The following HPSE2 variants were observed in gnomAD, a reference collection of about 807,000 sequenced individuals.
HPSE2 encodes heparanase 2 (inactive), also known as inactive heparanase-2.
A neutral mutation model predicts 60.5 loss-of-function variants in HPSE2; 38 were observed. The observed-to-expected ratio is 0.63, with a 90% CI of 0.48 to 0.82. The LOEUF is 0.82. Ranked by LOEUF, HPSE2 falls within the 40% of genes least tolerant of loss-of-function variation. The probability of loss-of-function intolerance (pLI) is 0.00; values close to 1 mark genes in which losing one functional copy is unlikely to be tolerated. For missense variants in HPSE2, 713 were observed against 740.4 expected, an observed-to-expected ratio of 0.96 and a Z score of 0.43; for synonymous variants, 295 against 293.2, an observed-to-expected ratio of 1.01 and a Z score of -0.06.
rs187339167 is a variant in HPSE2, at chr10:98,874,613, G to T, written c.611-130557C>A. ...TGAATACTCTTTATTTCTTTCTTTT[G>T]CCTGATTGCCCTGGCCAGAACTTCC... On this transcript the variant is annotated intron_variant, in intron 3 of 11. Transcript: ENST00000370552. 1.2e-3 allele frequency among the ~76,000 whole-genome samples: 183 copies of T among 151,972 alleles called. 1 individual carries two copies. The highest frequency in any genetic ancestry group is 2.3e-3 in the Non-Finnish European group (153 of 67,960).
chr10:99,290,587 T>C, the HPSE2 span, among the ~76,000 whole-genome samples: 1 of 133,608 alleles, frequency 7.5e-6, no homozygotes, highest in Non-Finnish European at 1.6e-5. Context: ...TCAGACCAGG[T>C]GGTTCTTATG....
intron 3 of HPSE2, among the ~76,000 whole-genome samples, chr10:99,032,658 T>A (rs1957523726): frequency 6.6e-6 from 1 of 152,216 alleles, no homozygotes; most frequent in South Asian, 2.1e-4. Context: ...ACTGGTCTTA[T>A]ATAAATGGAA....
intron 2 of HPSE2, among the ~76,000 whole-genome samples, chr10:99,189,504 T>C (rs931739114): frequency 1.3e-5 from 2 of 152,166 alleles, no homozygotes; most frequent in Admixed American, 6.5e-5. Context: ...GGTTCTGTCA[T>C]TGTGTTGAAA....
At chr10:99,163,219 A>G (rs1438334619) in intron 2 of HPSE2, among the ~76,000 whole-genome samples, 1 of 152,180 alleles carries the variant, frequency 6.6e-6, no homozygotes, top group Non-Finnish European at 1.5e-5. Flanking sequence ...TCAAAAAAAA[A>G]AAAAATAGCC....
the HPSE2 span, among the ~76,000 whole-genome samples, chr10:99,245,633 G>A: frequency 1.8e-4 from 27 of 152,280 alleles, no homozygotes; most frequent in Middle Eastern, 6.8e-3. Context: ...ACTGAATAAC[G>A]CTAATTGTGA....
chr10:98,906,619 G>C (rs552384092), intron 3 of HPSE2, among the ~76,000 whole-genome samples: 52 of 152,318 alleles, frequency 3.4e-4, no homozygotes, highest in African/African-American at 1.2e-3. Flanking sequence ...AAAAATGCTA[G>C]AATAGGCTGG....
chr10:98,662,288 C>G (rs920677073), intron 6 of HPSE2, among the ~76,000 whole-genome samples: 7 of 152,120 alleles, frequency 4.6e-5, no homozygotes, highest in Non-Finnish European at 8.8e-5. Flanking sequence ...CGGAAACTGA[C>G]AGTACACATT....
intron 3 of HPSE2, chr10:99,013,911 GT>G: frequency 2.4e-6 from 1 of 425,290 alleles, no homozygotes; most frequent in Non-Finnish European, 4.8e-6. Context: ...TGTGCTCCTG[GT>G]GATTGAACAG....
intron 9 of HPSE2, among the ~76,000 whole-genome samples, chr10:98,578,948 TGA>T (rs1287920563): frequency 1.3e-5 from 2 of 152,206 alleles, no homozygotes; most frequent in African/African-American, 4.8e-5. Context: ...CAATCTGAGC[TGA>T]GAGCCATTGA....
intron 4 of HPSE2, among the ~76,000 whole-genome samples, chr10:98,722,311 C>T (rs752696280): frequency 7.3e-5 from 11 of 150,848 alleles, no homozygotes; most frequent in Non-Finnish European, 1.2e-4. Context: ...AAGAATGCCA[C>T]GTGACAACAA....
At chr10:98,648,393 G>A (rs1164514014) in intron 6 of HPSE2, among the ~76,000 whole-genome samples, 1 of 152,190 alleles carries the variant, frequency 6.6e-6, no homozygotes, top group Non-Finnish European at 1.5e-5. Flanking sequence ...AGCAGGTGAT[G>A]GCACCAGAAT....
chr10:98,968,895 C>T (rs1399777595), intron 3 of HPSE2, among the ~76,000 whole-genome samples: 3 of 152,048 alleles, frequency 2.0e-5, no homozygotes, highest in Non-Finnish European at 4.4e-5. Context: ...GTACAGTGTA[C>T]ACTGCTCAGG....
At chr10:98,561,194 T>C (rs1179589221) in intron 9 of HPSE2, among the ~76,000 whole-genome samples, 1 of 143,672 alleles carries the variant, frequency 7.0e-6, no homozygotes, top group Non-Finnish European at 1.5e-5. Context: ...TGACACAGAG[T>C]CTTGCTCTGT....
chr10:99,132,016 G>GC (rs1845404299), intron 3 of HPSE2, among the ~76,000 whole-genome samples: 1 of 151,694 alleles, frequency 6.6e-6, no homozygotes, highest in Non-Finnish European at 1.5e-5. Flanking sequence ...GGAGGCTGAA[G>GC]CAAGAGAATC....
At chr10:99,038,445 T>C (rs1484605417) in intron 3 of HPSE2, among the ~76,000 whole-genome samples, 1 of 152,162 alleles carries the variant, frequency 6.6e-6, no homozygotes, top group Admixed American at 6.5e-5. Context: ...ATTTCAATTA[T>C]ATAACATTCT....
chr10:99,027,955 C>A (rs1957415642), intron 3 of HPSE2, among the ~76,000 whole-genome samples: 2 of 152,136 alleles, frequency 1.3e-5, no homozygotes, highest in African/African-American at 4.8e-5. Context: ...AATTTACCAT[C>A]CCTTCATAAT....
intron 2 of HPSE2, 51 bp downstream of exon 2, chr10:99,232,296 GC>G (rs986914181): frequency 3.9e-6 from 6 of 1,535,642 alleles, no homozygotes; most frequent in Non-Finnish European, 5.3e-6. Flanking sequence ...CACAAACACA[GC>G]GGGTGCTTGC....
intron 9 of HPSE2, among the ~76,000 whole-genome samples, chr10:98,603,589 C>A (rs1266703706): frequency 2.0e-5 from 3 of 151,908 alleles, no homozygotes; most frequent in Non-Finnish European, 4.4e-5. Flanking sequence ...ACCACCATGC[C>A]AGGCTAATTT....
At chr10:99,090,977 C>A (rs1843492507) in intron 3 of HPSE2, among the ~76,000 whole-genome samples, 1 of 152,068 alleles carries the variant, frequency 6.6e-6, no homozygotes, top group Non-Finnish European at 1.5e-5. Flanking sequence ...TCTGTCCTGG[C>A]CTGCCTTCCA....
Sources: gnomAD v4.1 joint callset for allele counts (sites outside exome capture counted in the v4.1 genomes callset) on GRCh38, gnomAD v4.1.1 for gene constraint, MANE v1.5 for transcripts, NCBI Gene and HGNC (gene_info 2026-07-23, HGNC 2026-07-21) for gene names.